The following UBE2C variants were observed in gnomAD, a reference collection of about 807,000 sequenced individuals.
UBE2C encodes ubiquitin conjugating enzyme E2 C.
A neutral mutation model predicts 23.5 loss-of-function variants in UBE2C; 16 were observed. The ratio of observed to expected loss-of-function variants is 0.68; its 90% confidence interval spans 0.46 to 1.03. The LOEUF (loss-of-function observed/expected upper bound fraction) is 1.03. UBE2C is among the 50% of genes least tolerant of loss of function. UBE2C has a pLI of 0.00. For missense variants in UBE2C, 192 were observed against 227.6 expected (o/e 0.84, Z 1.01); for synonymous variants, 76 against 91.6 (o/e 0.83, Z 0.97).
At chr20:45,812,861 G>T in intron 1 of UBE2C, 65 bp downstream of exon 1, 3 of 1,497,150 alleles carry the variant, frequency 2.0e-6, no homozygotes, top group African/African-American at 1.4e-5. Flanking sequence ...CCAGAGCAAA[G>T]ATTTCTAGGA....
At chr20:45,814,140 C>CTA (rs1982217700) in intron 2 of UBE2C, among the ~76,000 whole-genome samples, 6 of 146,048 alleles carry the variant, frequency 4.1e-5, no homozygotes, top group African/African-American at 1.6e-4. Context: ...CTCTCTCTCT[C>CTA]TCTCTCTATA....
At chr20:45,816,682 C>A in intron 5 of UBE2C, 27 bp from the exon 6 acceptor site, 1 of 1,606,208 alleles carries the variant, frequency 6.2e-7, no homozygotes, top group South Asian at 1.1e-5. Flanking sequence ...CTCCATCACT[C>A]ACTGAGACCT....
chr20:45,816,719 G>A lies in UBE2C; in HGVS notation c.492G>A (p.Lys164=), dbSNP rs760365326. Residue 164 remains lysine, a synonymous_variant, in exon 6 of 6, where the codon AAG becomes AAA. Transcript: ENST00000356455. The part of the protein sequence containing the change: ...ELWKNPTAFK[K]YLQETYSKQV... ...CCTGTTCTCTTCCAGCTTTTAAGAAGTACCTGCAAGAAACCTACTCAAAGC... is the reference window on the plus strand; with the variant it reads ...CCTGTTCTCTTCCAGCTTTTAAGAAATACCTGCAAGAAACCTACTCAAAGC... 1 of 1,613,718 alleles carries A rather than the reference G, an allele frequency of 6.2e-7. No homozygotes were observed. The highest frequency in any genetic ancestry group is 2.2e-5 in the East Asian group (1 of 44,862).
At position 45,812,742 on chromosome 20, in the gene UBE2C, C is replaced by T. The variant is rs1429651798; in HGVS notation, c.47C>T (p.Ala16Val). ...RDPAATSVAA[A>V]RKGAEPSGGA... ...CCAGCCGCCACTAGCGTCGCCGCCG[C>T]CCGTAAAGGAGCTGAGCCGAGCGGG... The change falls in exon 1 of 6, where the codon GCC (alanine) becomes GTC (valine). Residue 16 changes from alanine to valine, a missense_variant. By Grantham distance (64) the Ala-to-Val change is moderately conservative. Transcript: ENST00000356455. The T allele has an allele frequency of 6.4e-7, 1 of 1,556,358 alleles. No individual in the cohort carries two copies. Among genetic ancestry groups the T allele is most frequent in the Admixed American group, 1.9e-5 (1 of 51,592 alleles).
At chr20:45,815,414 T>C in intron 3 of UBE2C, 127 bp from the exon 4 acceptor site, 2 of 1,612,166 alleles carry the variant, frequency 1.2e-6, no homozygotes, top group Non-Finnish European at 8.5e-7. Flanking sequence ...CAGAACCAGC[T>C]CAACAGTTTG....
Position 45,812,769 on chromosome 20 carries a change from G to A in UBE2C, c.74G>A (p.Gly25Asp). ...AARKGAEPSG[G>D]AARGPVGKRL... ...CGTAAAGGAGCTGAGCCGAGCGGGG[G>A]CGCCGCCCGGGGTCCGGTGGGCAAA... Residue 25 changes from glycine (G) to aspartate (D), a missense_variant, in exon 1 of 6, where the codon GGC becomes GAC. By Grantham distance (94) the Gly-to-Asp change is moderately conservative (BLOSUM62 -1). Transcript: ENST00000356455. 1 of 1,557,094 alleles carries A rather than the reference G, an allele frequency of 6.4e-7. No individual in the cohort carries two copies. Among genetic ancestry groups the A allele is most frequent in the Non-Finnish European group, 8.7e-7 (1 of 1,150,504 alleles).
chr20:45,813,153 G>A, intron 1 of UBE2C: 3 of 1,402,920 alleles, frequency 2.1e-6, no homozygotes, highest in Admixed American at 3.1e-5. Flanking sequence ...TGACTTGGCC[G>A]AGACAGGGGA....
At chr20:45,815,283 C>A in intron 3 of UBE2C, 1 of 1,209,014 alleles carries the variant, frequency 8.3e-7, no homozygotes, top group Non-Finnish European at 1.1e-6. Flanking sequence ...CTTTGGGAGG[C>A]TGAGGCAGGC....
chr20:45,816,034 C>G, intron 5 of UBE2C, 121 bp downstream of exon 5: 1 of 962,000 alleles, frequency 1.0e-6, no homozygotes, highest in Non-Finnish European at 1.6e-6. Context: ...GTGTCGGCAG[C>G]AACCCACTTC....
intron 1 of UBE2C, chr20:45,813,198 A>G (rs1982091276): frequency 4.2e-6 from 6 of 1,425,820 alleles, no homozygotes; most frequent in Non-Finnish European, 5.5e-6. Flanking sequence ...AAGAGATGCT[A>G]AAGCCTGGGG....
At position 45,815,840 on chromosome 20, in the gene UBE2C, C is replaced by T. The variant is rs369570509; in HGVS notation, c.422-14C>T. The stretch of plus-strand genomic sequence containing the variant: ...CTTCTACCGCCTTGACCTTCTCTTT[C>T]TCTCCACCCACAGAACCCAACATTG... On this transcript the variant is annotated splice_polypyrimidine_tract_variant and intron_variant, in intron 4 of 5. Coordinates refer to ENST00000356455, the MANE Select transcript of UBE2C (RefSeq NM_007019.4). 2.1e-4 allele frequency: 340 copies of T among 1,614,078 alleles called. 1 individual carries two copies. The African/African-American group carries it at 4.1e-3, about 19-fold the overall frequency.
intron 1 of UBE2C, chr20:45,813,157 C>T: frequency 7.1e-7 from 1 of 1,403,376 alleles, no homozygotes; most frequent in Non-Finnish European, 9.2e-7. Context: ...TTGGCCGAGA[C>T]AGGGGAAGGG....
chr20:45,816,609 C>T, intron 5 of UBE2C, 100 bp from the exon 6 acceptor site: 1 of 1,075,826 alleles, frequency 9.3e-7, no homozygotes, highest in Non-Finnish European at 1.4e-6. Flanking sequence ...TGCACTCCAG[C>T]TTGGTCAACA....
chr20:45,816,827 CT>C lies in UBE2C; in HGVS notation c.*65del. ...TTAATTTTTCCTTAGATGGTCTGTC[CT>C]TTTTGTGATTTCTGTATAGGACTCT... On this transcript the variant is annotated 3_prime_UTR_variant, in exon 6 of 6. Coordinates refer to ENST00000356455, the MANE Select transcript of UBE2C (RefSeq NM_007019.4). 6.8e-7 allele frequency: 1 copy of C among 1,479,766 alleles called. No homozygotes were observed. The highest frequency in any genetic ancestry group is 9.3e-7 in the Non-Finnish European group (1 of 1,073,826). 91.7% of individuals were successfully genotyped at this position (1,479,766 alleles called of 1,614,324 possible). A position where few individuals can be genotyped will look rare whatever the true frequency, so the allele number is the denominator to read the frequency against.
intron 1 of UBE2C, 35 bp downstream of exon 1, chr20:45,812,831 C>T: frequency 6.5e-7 from 1 of 1,540,730 alleles, no homozygotes; most frequent in African/African-American, 1.4e-5. Context: ...CCGGGCCTGC[C>T]ATGCCCTAGG....
intron 4 of UBE2C, 31 bp downstream of exon 4, chr20:45,815,776 G>A (rs374980050): frequency 3.1e-6 from 5 of 1,611,752 alleles, no homozygotes; most frequent in Non-Finnish European, 3.4e-6. Flanking sequence ...TCCCCTCCAT[G>A]CAACTTGGGA....
In UBE2C at chr20:45,814,142, C is replaced by CTA. The variant is rs1289197595; in HGVS notation, c.130-241_130-240insAT. Among the ~76,000 whole-genome samples, 1,263 of 146,456 alleles carry CTA rather than the reference C, an allele frequency of 8.6e-3. 24 individuals carry two copies. The highest frequency in any genetic ancestry group is 0.033 in the African/African-American group (1,221 of 37,364). On this transcript the variant is annotated intron_variant, in intron 2 of 5. Transcript: ENST00000356455. Reference sequence around the variant, plus strand: ...TCTCTCTCTCAATCTCTCTCTCTCTCTCTCTATATATATATATATGTAAAT... The same window carrying CTA: ...TCTCTCTCTCAATCTCTCTCTCTCTCTATCTCTATATATATATATATGTAAAT...
At position 45,815,583 on chromosome 20, in the gene UBE2C, A is replaced by G. The variant is rs753288094; in HGVS notation, c.259A>G (p.Ser87Gly). The G allele has an allele frequency of 2.9e-5, 47 of 1,613,966 alleles. No individual in the cohort carries two copies. The highest frequency in any genetic ancestry group is 4.0e-5 in the Non-Finnish European group (47 of 1,180,016). Reference protein sequence around the residue: ...LRYKLSLEFPSGYPYNAPTVK... With the variant: ...LRYKLSLEFPGGYPYNAPTVK... ...GTATAAGCTCTCGCTAGAGTTCCCC[A>G]GTGGCTACCCTTACAATGCGCCCAC... The change falls in exon 4 of 6, where the codon AGT (serine) becomes GGT (glycine). Residue 87 changes from serine to glycine, a missense_variant. Coordinates refer to ENST00000356455, the MANE Select transcript of UBE2C (RefSeq NM_007019.4).
intron 1 of UBE2C, chr20:45,813,159 G>A: frequency 1.4e-6 from 2 of 1,407,694 alleles, no homozygotes; most frequent in Non-Finnish European, 1.8e-6. Context: ...GGCCGAGACA[G>A]GGGAAGGGAG....
Sources: gnomAD v4.1 joint callset for allele counts (sites outside exome capture counted in the v4.1 genomes callset) on GRCh38, gnomAD v4.1.1 for gene constraint, MANE v1.5 for transcripts, NCBI Gene and HGNC (gene_info 2026-07-23, HGNC 2026-07-21) for gene names.